The following AGMO variants were observed in gnomAD, a reference collection of about 807,000 sequenced individuals.
AGMO encodes glyceryl-ether monooxygenase.
AGMO carries 75 observed loss-of-function variants against 60.2 expected under a neutral mutation model. That is an observed-to-expected ratio of 1.25 (90% CI 1.03 to 1.51). The LOEUF (loss-of-function observed/expected upper bound fraction) is 1.51, where lower values mean the gene tolerates loss of function less well. AGMO is among the 40% of genes most tolerant of loss of function. The pLI, the probability that AGMO is intolerant of heterozygous loss-of-function variation, is 0.00. For synonymous variants in AGMO, 261 were observed against 177.1 expected (o/e 1.47, Z -3.76); for missense variants, 763 against 525.5 (o/e 1.45, Z -4.42).
the AGMO span, among the ~76,000 whole-genome samples, chr7:15,130,054 C>T: frequency 9.9e-4 from 150 of 152,108 alleles, no homozygotes; most frequent in Non-Finnish European, 1.6e-3. Flanking sequence ...GTGCTACATG[C>T]GATTCCTCCC....
At chr7:15,287,953 T>G (rs1186454760) in intron 12 of AGMO, among the ~76,000 whole-genome samples, 1 of 152,238 alleles carries the variant, frequency 6.6e-6, no homozygotes, top group Non-Finnish European at 1.5e-5. Context: ...AAATCTTGAC[T>G]CTCAGATTAA....
intron 12 of AGMO, among the ~76,000 whole-genome samples, chr7:15,352,223 C>T (rs1428451366): frequency 6.6e-6 from 1 of 152,140 alleles, no homozygotes; most frequent in Non-Finnish European, 1.5e-5. Context: ...AATAAATATA[C>T]AATCCAAATT....
intron 3 of AGMO, among the ~76,000 whole-genome samples, chr7:15,443,512 C>T (rs1200483749): frequency 6.6e-6 from 1 of 152,178 alleles, no homozygotes; most frequent in African/African-American, 2.4e-5. Flanking sequence ...TTTCATCAAT[C>T]CACTGCATTG....
intron 12 of AGMO, among the ~76,000 whole-genome samples, chr7:15,317,349 T>C (rs1366695265): frequency 6.6e-6 from 1 of 152,176 alleles, no homozygotes; most frequent in African/African-American, 2.4e-5. Context: ...ACCTGACCAT[T>C]GACAGATGTC....
chr7:15,142,254 C>T, the AGMO span, among the ~76,000 whole-genome samples: 5 of 152,178 alleles, frequency 3.3e-5, no homozygotes, highest in Admixed American at 6.5e-5. Flanking sequence ...CTCTATCCCA[C>T]AGGCTTGGTG....
At chr7:15,542,641 T>C (rs1160957899) in intron 3 of AGMO, among the ~76,000 whole-genome samples, 1 of 152,202 alleles carries the variant, frequency 6.6e-6, no homozygotes, top group African/African-American at 2.4e-5. Context: ...ACCCCTTTGT[T>C]GCATAGAAAA....
chr7:15,173,644 T>C, the AGMO span, among the ~76,000 whole-genome samples: 374 of 152,186 alleles, frequency 2.5e-3, 1 homozygote, highest in African/African-American at 8.7e-3. Flanking sequence ...ATTGTAATGT[T>C]ATACATTATA....
chr7:15,413,425 A>G (rs1780671339), intron 5 of AGMO, among the ~76,000 whole-genome samples: 1 of 152,140 alleles, frequency 6.6e-6, no homozygotes, highest in Non-Finnish European at 1.5e-5. Flanking sequence ...GTTTAAGAAA[A>G]TCATGACCAG....
At chr7:15,355,754 T>C (rs1782507895) in intron 12 of AGMO, among the ~76,000 whole-genome samples, 1 of 152,070 alleles carries the variant, frequency 6.6e-6, no homozygotes, top group Non-Finnish European at 1.5e-5. Flanking sequence ...GGGAGTATTG[T>C]ATTATATGGA....
chr7:15,440,891 T>C (rs2128501926), intron 3 of AGMO, among the ~76,000 whole-genome samples: 1 of 152,314 alleles, frequency 6.6e-6, no homozygotes, highest in South Asian at 2.1e-4. Context: ...TACTCCTCTT[T>C]CTCTTAGCTC....
At chr7:15,556,593 G>T (rs1785147643) in intron 2 of AGMO, among the ~76,000 whole-genome samples, 1 of 151,912 alleles carries the variant, frequency 6.6e-6, no homozygotes, top group Non-Finnish European at 1.5e-5. Context: ...TGAAGTCCCA[G>T]TTTTCTAATG....
intron 12 of AGMO, among the ~76,000 whole-genome samples, chr7:15,257,942 G>T (rs1025102462): frequency 6.6e-6 from 1 of 152,122 alleles, no homozygotes; most frequent in African/African-American, 2.4e-5. Flanking sequence ...TGATTTTATG[G>T]AGTCTTTTCT....
the AGMO span, among the ~76,000 whole-genome samples, chr7:15,140,756 T>G: frequency 6.6e-6 from 1 of 152,214 alleles, no homozygotes; most frequent in African/African-American, 2.4e-5. Flanking sequence ...TTGGATTTTT[T>G]TACATACTTT....
intron 12 of AGMO, among the ~76,000 whole-genome samples, chr7:15,297,634 T>C (rs1369328320): frequency 6.6e-6 from 1 of 152,186 alleles, no homozygotes; most frequent in Non-Finnish European, 1.5e-5. Flanking sequence ...GCTTAATCCT[T>C]TTCCTGGGAA....
At chr7:15,211,382 G>T (rs1486271652) in intron 12 of AGMO, among the ~76,000 whole-genome samples, 1 of 151,918 alleles carries the variant, frequency 6.6e-6, no homozygotes, top group Non-Finnish European at 1.5e-5. Flanking sequence ...CTTTCTCGTT[G>T]GTGGTCATAA....
chr7:15,381,012 C>T lies in AGMO; in HGVS notation c.1074+4434G>A, dbSNP rs147943782. 2.2e-4 allele frequency among the ~76,000 whole-genome samples: 34 copies of T among 152,226 alleles called. No homozygotes were observed. In the East Asian group the frequency reaches 6.6e-3, roughly 29 times the overall value. The stretch of plus-strand genomic sequence containing the variant: ...AGATTCAAACTGGACCCCTCCCTTA[C>T]TGCATATACAAAAACTCAGCATAGA... On this transcript the variant is annotated intron_variant, in intron 10 of 12. Coordinates refer to ENST00000342526, the MANE Select transcript of AGMO (RefSeq NM_001004320.2).
chr7:15,310,394 A>G lies in AGMO; in HGVS notation c.1263+55120T>C, dbSNP rs1780735490. 2.0e-5 allele frequency among the ~76,000 whole-genome samples: 3 copies of G among 152,298 alleles called. No individual in the cohort carries two copies. In the South Asian group the frequency reaches 6.2e-4, roughly 32 times the overall value. On this transcript the variant is annotated intron_variant, in intron 12 of 12. Transcript: ENST00000342526. Reference sequence around the variant, plus strand: ...TCAGTTTCTATCCTTTGCCAGAAATAAACATATTTGGTTTCCATTTGGAAA... The same window carrying G: ...TCAGTTTCTATCCTTTGCCAGAAATGAACATATTTGGTTTCCATTTGGAAA...
At position 15,382,617 on chromosome 7, in the gene AGMO, C is replaced by A. The variant is rs549566989; in HGVS notation, c.1074+2829G>T. ...GTCAAAAGCTGTAAGGGCAGGATGACTGGAGTTATTGCAATTATTTTATGA... is the reference window on the plus strand; with the variant it reads ...GTCAAAAGCTGTAAGGGCAGGATGAATGGAGTTATTGCAATTATTTTATGA... On this transcript the variant is annotated intron_variant, in intron 10 of 12. Transcript: ENST00000342526. Among the ~76,000 whole-genome samples, 9 of 152,154 alleles carry A rather than the reference C, an allele frequency of 5.9e-5. No homozygotes were observed. In the South Asian group the frequency reaches 1.9e-3, roughly 31 times the overall value.
chr7:15,179,492 T>C, the AGMO span, among the ~76,000 whole-genome samples: 600 of 152,178 alleles, frequency 3.9e-3, 3 homozygotes, highest in Non-Finnish European at 6.3e-3. Flanking sequence ...CAATATTAAG[T>C]CTTAGAGCTC....
Sources: allele counts gnomAD v4.1 joint callset (sites outside exome capture counted in the v4.1 genomes callset), GRCh38; gene constraint gnomAD v4.1.1; transcripts MANE v1.5; gene names NCBI Gene and HGNC (gene_info 2026-07-23, HGNC 2026-07-21).